RTTN: variants seen among roughly 807,000 people sequenced by gnomAD.
The protein encoded by RTTN is rotatin.
A neutral mutation model predicts 269.2 loss-of-function variants in RTTN; 182 were observed. The ratio of observed to expected loss-of-function variants is 0.68; its 90% CI spans 0.60 to 0.76. The LOEUF is 0.76. Ranked by LOEUF, RTTN falls within the 30% of genes least tolerant of loss-of-function variation. The pLI is 0.00. For synonymous variants in RTTN, 1,006 were observed against 963.5 expected (o/e 1.04, Z -0.82); for missense variants, 2,545 against 2,608.6 (o/e 0.98, Z 0.53).
chr18:70,133,219 A>G (rs10163629), intron 23 of RTTN, among the ~76,000 whole-genome samples: 3,840 of 152,224 alleles, frequency 0.025, 162 homozygotes, highest in African/African-American at 0.086. Flanking sequence ...AAGCATGACT[A>G]CTGCAGTCGT....
chr18:70,077,076 T>C (rs1555717948), intron 32 of RTTN, among the ~76,000 whole-genome samples: 1 of 151,814 alleles, frequency 6.6e-6, no homozygotes, highest in Non-Finnish European at 1.5e-5. Flanking sequence ...AATTAACAAA[T>C]AAGACAAGAA....
intron 11 of RTTN, among the ~76,000 whole-genome samples, chr18:70,173,385 C>T (rs950395841): frequency 2.7e-5 from 4 of 148,234 alleles, no homozygotes; most frequent in Admixed American, 6.8e-5. Context: ...CCCAGCTACT[C>T]GGGAGGCTGA....
At chr18:70,043,656 C>G (rs2057407853) in intron 40 of RTTN, among the ~76,000 whole-genome samples, 1 of 152,162 alleles carries the variant, frequency 6.6e-6, no homozygotes, top group African/African-American at 2.4e-5. Context: ...CTTACAGATA[C>G]AACTGTTTGG....
chr18:70,124,760 G>T (rs991936358), intron 25 of RTTN, among the ~76,000 whole-genome samples: 1 of 152,060 alleles, frequency 6.6e-6, no homozygotes, highest in African/African-American at 2.4e-5. Context: ...ACCCACAGGT[G>T]ACATGTATTT....
At chr18:70,033,269 G>C (rs894201618) in intron 40 of RTTN, among the ~76,000 whole-genome samples, 1 of 152,174 alleles carries the variant, frequency 6.6e-6, no homozygotes, top group African/African-American at 2.4e-5. Flanking sequence ...CTTCCTTACA[G>C]CCTGTGGAAC....
chr18:70,016,657 C>T (rs1206786430), intron 46 of RTTN, among the ~76,000 whole-genome samples: 2 of 152,110 alleles, frequency 1.3e-5, no homozygotes, highest in Non-Finnish European at 2.9e-5. Flanking sequence ...TTTTCTGAAT[C>T]CTTACCAATC....
At chr18:70,145,004 C>T (rs1202255165) in intron 18 of RTTN, among the ~76,000 whole-genome samples, 1 of 152,210 alleles carries the variant, frequency 6.6e-6, no homozygotes, top group Non-Finnish European at 1.5e-5. Context: ...TAGCTAAAGA[C>T]AGGAAAATGT....
intron 14 of RTTN, among the ~76,000 whole-genome samples, chr18:70,153,737 TAC>T (rs376903403): frequency 2.0e-4 from 31 of 152,310 alleles, no homozygotes; most frequent in African/African-American, 7.5e-4. Context: ...GAAATGCCTT[TAC>T]AAATCCTTAT....
chr18:70,163,663 G>A (rs976443332), intron 14 of RTTN, among the ~76,000 whole-genome samples: 1 of 152,138 alleles, frequency 6.6e-6, no homozygotes, highest in African/African-American at 2.4e-5. Flanking sequence ...GGGACCAGAA[G>A]TGTTTCAGAT....
At chr18:70,132,062 G>A (rs995056878) in intron 23 of RTTN, 5 of 151,966 alleles carry the variant, frequency 3.3e-5, no homozygotes, top group South Asian at 2.1e-4. Context: ...ATAAGAGATC[G>A]AGTGAATTCT....
chr18:70,027,861 G>A (rs965779546), intron 43 of RTTN, among the ~76,000 whole-genome samples: 1 of 152,074 alleles, frequency 6.6e-6, no homozygotes, highest in Non-Finnish European at 1.5e-5. Context: ...CATCGCTTAA[G>A]GAGTAAGTGT....
intron 17 of RTTN, among the ~76,000 whole-genome samples, chr18:70,147,952 CGT>C (rs1232452616): frequency 4.0e-5 from 6 of 151,894 alleles, no homozygotes; most frequent in Non-Finnish European, 7.4e-5. Context: ...AACACAAGCA[CGT>C]TAACTCCCTC....
intron 3 of RTTN, 129 bp from the exon 4 acceptor site, chr18:70,202,112 T>C (rs2061969099): frequency 1.8e-6 from 1 of 566,696 alleles, no homozygotes; most frequent in Non-Finnish European, 3.0e-6. Context: ...AAAGTCCAGT[T>C]TTTTTTCTGA....
At chr18:70,015,501 C>T (rs1157519317) in intron 46 of RTTN, among the ~76,000 whole-genome samples, 1 of 152,130 alleles carries the variant, frequency 6.6e-6, no homozygotes, top group Non-Finnish European at 1.5e-5. Context: ...GCTAAGGCCT[C>T]CTCCATAAAT....
intron 14 of RTTN, among the ~76,000 whole-genome samples, chr18:70,154,990 C>T (rs1051194914): frequency 6.6e-6 from 1 of 152,110 alleles, no homozygotes; most frequent in Admixed American, 6.5e-5. Context: ...AAAGAAAATA[C>T]AGACTCAATA....
At chr18:70,084,203 CA>C (rs1242793156) in intron 32 of RTTN, among the ~76,000 whole-genome samples, 2 of 147,966 alleles carry the variant, frequency 1.4e-5, no homozygotes, top group Admixed American at 1.4e-4. Flanking sequence ...AAACAAAGTG[CA>C]AAGCAATAGA....
rs1240039700 is a variant in RTTN at position 70,069,259 on chromosome 18, G to A, written c.4654-3337C>T. On this transcript the variant is annotated intron_variant, in intron 34 of 48. Coordinates refer to ENST00000640769, the MANE Select transcript of RTTN (RefSeq NM_173630.4). ...GACAGATGTGTTAACTAATTTGACT[G>A]TGGTAATCATTTCATCACATATACA... Among the ~76,000 whole-genome samples the A allele has an allele frequency of 2.0e-5, 3 of 152,162 alleles. 1 individual carries two copies. The highest frequency in any genetic ancestry group is 1.9e-4 in the East Asian group (1 of 5,192).
chr18:70,020,646 A>G lies in RTTN; in HGVS notation c.6122T>C (p.Leu2041Ser), dbSNP rs2056676403. 1 of 1,614,018 alleles carries G rather than the reference A, an allele frequency of 6.2e-7. No homozygotes were observed. Among genetic ancestry groups the G allele is most frequent in the Non-Finnish European group, 8.5e-7 (1 of 1,179,900 alleles). The change falls in exon 45 of 49, where the codon TTG (leucine) becomes TCG (serine). Residue 2041 changes from leucine (L) to serine (S), a missense_variant. By Grantham distance (145) the Leu-to-Ser change is moderately radical (BLOSUM62 -2). Coordinates refer to ENST00000640769, the MANE Select transcript of RTTN (RefSeq NM_173630.4). ...AATTACTCCTTTACAGTCATGCGAC[A>G]AGGCCAGGTTTGAAAGAAGCATAAA... ...MVFMLLSNLA[L>S]SHDCKGVIQK...
Position 70,166,190 on chromosome 18 carries a change from T to G in RTTN, c.1803-2A>C, listed in dbSNP as rs773342829. 1.9e-5 allele frequency: 30 copies of G among 1,611,526 alleles called. No homozygotes were observed. The highest frequency in any genetic ancestry group is 2.5e-5 in the Non-Finnish European group (29 of 1,178,502). Reference sequence around the variant, plus strand: ...GGACTGGCCTGAGCAGATTTCCAGCTGGTGAAAAGGTAAAACAACCAAGAC... The same window carrying G: ...GGACTGGCCTGAGCAGATTTCCAGCGGGTGAAAAGGTAAAACAACCAAGAC... On this transcript the variant is annotated splice_acceptor_variant, in intron 13 of 48. Coordinates refer to ENST00000640769, the MANE Select transcript of RTTN (RefSeq NM_173630.4). LOFTEE classifies it high-confidence loss of function.
Sources: allele counts gnomAD v4.1 joint callset (sites outside exome capture counted in the v4.1 genomes callset), GRCh38; gene constraint gnomAD v4.1.1; transcripts MANE v1.5; gene names NCBI Gene and HGNC (gene_info 2026-07-23, HGNC 2026-07-21).